SPAG9: variants seen among roughly 807,000 people sequenced by gnomAD.
The protein encoded by SPAG9 is C-Jun-amino-terminal kinase-interacting protein 4.
In SPAG9, 35 loss-of-function variants were observed where a neutral mutation model predicts 166.5. The observed-to-expected ratio is 0.21, with a 90% CI of 0.16 to 0.28. The LOEUF is 0.28. Among genes scored for constraint, SPAG9 ranks in the 10% least tolerant of loss-of-function variants. The probability of loss-of-function intolerance (pLI) is 1.00; values close to 1 mark genes in which losing one functional copy is unlikely to be tolerated. For synonymous variants in SPAG9, 534 were observed against 565.5 expected (o/e 0.94, Z 0.79); for missense variants, 1,235 against 1,603.3 (o/e 0.77, Z 3.92).
rs984387575 is a variant in SPAG9 at position 51,066,608 on chromosome 17, G to A, written c.425-10126C>T. On this transcript the variant is annotated intron_variant, in intron 2 of 29. Coordinates refer to ENST00000262013, the MANE Select transcript of SPAG9 (RefSeq NM_001130528.3). ...ACCATGGCTCACGCCTGTAATCCCA[G>A]CACTTTGGGAGGCCAAGGTGGGCAG... Among the ~76,000 whole-genome samples the A allele has an allele frequency of 3.5e-5, 5 of 142,068 alleles. No homozygotes were observed. The East Asian group carries it at 8.2e-4, about 23-fold the overall frequency. 93.2% of individuals were successfully genotyped at this position (142,068 alleles called of 152,430 possible).
At chr17:50,995,353 C>T in intron 17 of SPAG9, 91 bp downstream of exon 17, 4 of 1,289,020 alleles carry the variant, frequency 3.1e-6, no homozygotes, top group Non-Finnish European at 4.3e-6. Context: ...AATAACCTCA[C>T]CATAGAAGTA....
At chr17:51,080,886 CAAAAAAAAAAAAAA>C (rs200436430) in intron 1 of SPAG9, among the ~76,000 whole-genome samples, 5 of 67,848 alleles carry the variant, frequency 7.4e-5, no homozygotes, top group Non-Finnish European at 1.0e-4. Context: ...GACTCTATCT[CAAAAAAAAAAAAAA>C]AAAAAAAAAA....
At chr17:51,076,555 G>T (rs952279079) in intron 2 of SPAG9, among the ~76,000 whole-genome samples, 2 of 152,000 alleles carry the variant, frequency 1.3e-5, no homozygotes, top group Non-Finnish European at 2.9e-5. Context: ...GGCCAACATG[G>T]TGAAACTCCA....
intron 13 of SPAG9, among the ~76,000 whole-genome samples, chr17:51,001,154 T>C (rs1001986497): frequency 2.0e-5 from 3 of 152,194 alleles, no homozygotes; most frequent in Non-Finnish European, 4.4e-5. Flanking sequence ...CTCAAAAATA[T>C]GGGTAAATTA....
chr17:51,033,577 G>C (rs1296470738), intron 5 of SPAG9, among the ~76,000 whole-genome samples: 2 of 152,190 alleles, frequency 1.3e-5, no homozygotes, highest in Non-Finnish European at 2.9e-5. Context: ...AAGTGCCGTG[G>C]CTATTCACAG....
Position 51,008,280 on chromosome 17 carries a change from T to A in SPAG9, c.1214-954A>T, listed in dbSNP as rs1448683393. 2.0e-5 allele frequency among the ~76,000 whole-genome samples: 3 copies of A among 152,220 alleles called. No individual in the cohort carries two copies. In the East Asian group the frequency reaches 5.8e-4, roughly 29 times the overall value. On this transcript the variant is annotated intron_variant, in intron 9 of 29. Transcript: ENST00000262013. ...AATGCAAGATCCAATGGAGTGGTCT[T>A]TAGGGAGAAGAAAGCTATTAATTTG...
chr17:51,077,125 G>GCTAT (rs1341960617), intron 2 of SPAG9, among the ~76,000 whole-genome samples: 2 of 150,214 alleles, frequency 1.3e-5, no homozygotes, highest in Admixed American at 1.3e-4. Flanking sequence ...TATCTAGCTA[G>GCTAT]CTATCTATCT....
intron 4 of SPAG9, chr17:51,046,436 C>A (rs1221677543): frequency 2.6e-6 from 3 of 1,155,456 alleles, no homozygotes; most frequent in African/African-American, 1.5e-5. Context: ...ACAAAGCAGA[C>A]CCGTTGAGCT....
At chr17:51,099,774 A>C (rs1236817245) in intron 1 of SPAG9, among the ~76,000 whole-genome samples, 1 of 149,950 alleles carries the variant, frequency 6.7e-6, no homozygotes, top group East Asian at 1.9e-4. Flanking sequence ...AAAAAAAAAA[A>C]AAAAAAAAAA....
In SPAG9 at chr17:51,095,978, T is replaced by TATATATATATATATAGTG. The variant is rs2048623414; in HGVS notation, c.304-16275_304-16274insCACTATATATATATATAT. Among the ~76,000 whole-genome samples, 2 of 47,154 alleles carry TATATATATATATATAGTG rather than the reference T, an allele frequency of 4.2e-5. 1 individual carries two copies. Among genetic ancestry groups the TATATATATATATATAGTG allele is most frequent in the African/African-American group, 1.6e-4 (2 of 12,482 alleles). The allele number at this position is 47,154 out of a possible 152,430, so 30.9% of individuals were successfully genotyped here. A position where few individuals can be genotyped will look rare whatever the true frequency, so the allele number is the denominator to read the frequency against. ...ATAGTGATATATATATATAGTGATA[T>TATATATATATATATAGTG]ATATATATATAGTGATATATATATA... is the stretch of plus-strand genomic sequence containing the variant. On this transcript the variant is annotated intron_variant, in intron 1 of 29. Transcript: ENST00000262013.
At chr17:51,098,091 T>G (rs763076496) in intron 1 of SPAG9, among the ~76,000 whole-genome samples, 2 of 152,140 alleles carry the variant, frequency 1.3e-5, no homozygotes, top group Admixed American at 6.6e-5. Context: ...CCCAAAGCAC[T>G]GGGATTATAG....
rs529098402 is a variant in SPAG9, at chr17:50,982,599, A to G, written c.3162T>C (p.Thr1054=). 4 of 1,614,084 alleles carry G rather than the reference A, an allele frequency of 2.5e-6. No homozygotes were observed. In the African/African-American group the frequency reaches 5.3e-5, roughly 22 times the overall value. The change falls in exon 25 of 30, where the codon ACT becomes ACC. Residue 1054 remains threonine, a synonymous_variant. Coordinates refer to ENST00000262013, the MANE Select transcript of SPAG9 (RefSeq NM_001130528.3). Reference sequence around the variant, plus strand: ...CACACCAGACTTTGTCATGTACCACAGTCATGCAACGGATGGAATGATGAG... The same window carrying G: ...CACACCAGACTTTGTCATGTACCACGGTCATGCAACGGATGGAATGATGAG... The part of the protein sequence containing the change: ...GRPHHSIRCM[T]VVHDKVWCGY...
intron 1 of SPAG9, among the ~76,000 whole-genome samples, chr17:51,080,396 C>T (rs892682728): frequency 6.6e-6 from 1 of 151,678 alleles, no homozygotes; most frequent in Non-Finnish European, 1.5e-5. Context: ...AACTTCTTAA[C>T]ATTGGCATGC....
In SPAG9 at chr17:50,971,950, A is replaced by G. The variant is rs557197938; in HGVS notation, c.3701-1094T>C. Among the ~76,000 whole-genome samples the G allele has an allele frequency of 2.0e-5, 3 of 152,048 alleles. 1 individual carries two copies. The South Asian group carries it at 6.2e-4, about 32-fold the overall frequency. ...GCCCGGCTAATTTTTGTATTTTAGT[A>G]GAGATGGGGTTTCACCAAGTTGGTC... On this transcript the variant is annotated intron_variant, in intron 28 of 29. Transcript: ENST00000262013.
At chr17:51,119,641 C>T (rs889586184) in intron 1 of SPAG9, among the ~76,000 whole-genome samples, 4 of 152,250 alleles carry the variant, frequency 2.6e-5, no homozygotes, top group Middle Eastern at 3.4e-3. Context: ...ATCTTCCCAA[C>T]CCCGCCCCCC....
intron 13 of SPAG9, among the ~76,000 whole-genome samples, chr17:51,000,306 T>A (rs1470984611): frequency 6.6e-6 from 1 of 152,232 alleles, no homozygotes; most frequent in Non-Finnish European, 1.5e-5. Flanking sequence ...TAATCAGAGC[T>A]CTCTTTTCAC....
At position 50,981,531 on chromosome 17, in the gene SPAG9, A is replaced by AGAT. The variant is rs1567959559; in HGVS notation, c.3237+992_3237+993insATC. 4.4e-3 allele frequency among the ~76,000 whole-genome samples: 565 copies of AGAT among 128,630 alleles called. 3 individuals carry two copies. The highest frequency in any genetic ancestry group is 7.3e-3 in the Non-Finnish European group (421 of 57,308). 84.4% of individuals were successfully genotyped at this position (128,630 alleles called of 152,430 possible). On this transcript the variant is annotated intron_variant, in intron 25 of 29. Coordinates refer to ENST00000262013, the MANE Select transcript of SPAG9 (RefSeq NM_001130528.3). The stretch of plus-strand genomic sequence containing the variant: ...ATAGATAGATAGATAGATAGATAGA[A>AGAT]AGAAAGAAAGAAAGAATAGATAGAT...
chr17:51,003,060 C>T (rs1247858307), intron 12 of SPAG9, among the ~76,000 whole-genome samples: 1 of 150,312 alleles, frequency 6.7e-6, no homozygotes, highest in Non-Finnish European at 1.5e-5. Context: ...ATAGTGAGAC[C>T]CTGGCTCTAC....
intron 2 of SPAG9, among the ~76,000 whole-genome samples, chr17:51,062,613 CA>C (rs1247555956): frequency 6.6e-6 from 1 of 152,092 alleles, no homozygotes; most frequent in Non-Finnish European, 1.5e-5. Context: ...GTTTTTGAGA[CA>C]GAGTCTTGCT....
Sources: gnomAD v4.1 joint callset for allele counts (sites outside exome capture counted in the v4.1 genomes callset) on GRCh38, gnomAD v4.1.1 for gene constraint, MANE v1.5 for transcripts, NCBI Gene and HGNC (gene_info 2026-07-23, HGNC 2026-07-21) for gene names.